The following CELA3B variants were observed in gnomAD, a reference collection of about 807,000 sequenced individuals.
The protein encoded by CELA3B is chymotrypsin-like elastase family member 3B.
Under a neutral mutation model 37.2 loss-of-function variants are expected in CELA3B, and 34 were observed. The observed-to-expected ratio is 0.91, with a 90% CI of 0.70 to 1.22. The LOEUF is 1.22. Ranked by LOEUF, CELA3B falls within the 50% of genes most tolerant of loss-of-function variation. The pLI, the probability that CELA3B is intolerant of heterozygous loss-of-function variation, is 0.00. For missense variants in CELA3B, 340 were observed against 363.1 expected (o/e 0.94, Z 0.52); for synonymous variants, 127 against 143.5 (o/e 0.89, Z 0.82).
chr1:21,986,100 G>A (rs113222018), intron 6 of CELA3B, among the ~76,000 whole-genome samples: 1,862 of 146,790 alleles, frequency 0.013, 50 homozygotes, highest in African/African-American at 0.044. Flanking sequence ...CTGGCTGGGC[G>A]TGGTGGCTCA....
At chr1:21,978,332 C>A (rs776381496) in intron 1 of CELA3B, 37 bp from the exon 2 acceptor site, 5 of 1,612,012 alleles carry the variant, frequency 3.1e-6, no homozygotes, top group Non-Finnish European at 4.2e-6. Flanking sequence ...CTTTTGGGGA[C>A]CCTCCCGCTG....
intron 7 of CELA3B, among the ~76,000 whole-genome samples, chr1:21,988,590 TAAA>T (rs57938649): frequency 1.1e-3 from 118 of 104,294 alleles, no homozygotes; most frequent in Middle Eastern, 8.2e-3. Flanking sequence ...GACTCCATCT[TAAA>T]AAAAAAAAAA....
In CELA3B at chr1:21,998,199, G is replaced by A. The variant is rs775820870; in HGVS notation, c.*10G>A. ...AGAGTCCCGGACTTAGGACCACTGT[G>A]TGTGATTCACCGTGAACACTGGCAT... On this transcript the variant is annotated 3_prime_UTR_variant, in exon 5 of 5. Transcript: ENST00000400277. The A allele has an allele frequency of 7.0e-5, 33 of 470,256 alleles. 1 individual carries two copies. The highest frequency in any genetic ancestry group is 5.1e-4 in the South Asian group (33 of 64,478). 29.1% of individuals were successfully genotyped at this position (470,256 alleles called of 1,614,324 possible).
chr1:21,982,915 G>A (rs1434655027), intron 4 of CELA3B, among the ~76,000 whole-genome samples: 4 of 152,116 alleles, frequency 2.6e-5, no homozygotes, highest in East Asian at 3.9e-4. Context: ...TCTTAACCTC[G>A]TGATCCGCAG....
At chr1:21,996,396 C>T (rs1436216085) in intron 4 of CELA3B, among the ~76,000 whole-genome samples, 1 of 151,016 alleles carries the variant, frequency 6.6e-6, no homozygotes, top group Non-Finnish European at 1.5e-5. Flanking sequence ...GACCTCGGGT[C>T]GTCCTGACTG....
At chr1:21,986,771 C>T in intron 7 of CELA3B, 88 bp downstream of exon 7, 7 of 1,440,026 alleles carry the variant, frequency 4.9e-6, no homozygotes, top group Non-Finnish European at 6.6e-6. Flanking sequence ...CTGGGGAGGG[C>T]CTGAAAGGAT....
chr1:21,982,596 C>A (rs369633291), intron 4 of CELA3B, among the ~76,000 whole-genome samples: 1 of 150,584 alleles, frequency 6.6e-6, no homozygotes. Context: ...TACCCTGTCT[C>A]AAAAAAAAAG....
chr1:21,989,966 C>T (rs1644863392), downstream of CELA3B, among the ~76,000 whole-genome samples: 2 of 150,728 alleles, frequency 1.3e-5, 1 homozygote, highest in African/African-American at 4.9e-5. Flanking sequence ...CACAGTTCAG[C>T]ATGGCTGGGG....
chr1:21,995,942 C>A (rs1644888286), intron 4 of CELA3B, among the ~76,000 whole-genome samples: 2 of 149,686 alleles, frequency 1.3e-5, no homozygotes, highest in Non-Finnish European at 3.0e-5. Flanking sequence ...AGGCTGGGCG[C>A]AGTGGCTCAG....
At chr1:21,998,024 A>G (rs986169675) in intron 4 of CELA3B, 6 of 406,462 alleles carry the variant, frequency 1.5e-5, no homozygotes, top group Non-Finnish European at 3.1e-5. Flanking sequence ...AGGAAAAGCT[A>G]ATCGATAACA....
chr1:21,988,745 C>G (rs139785469), intron 7 of CELA3B, among the ~76,000 whole-genome samples: 2,281 of 151,762 alleles, frequency 0.015, 28 homozygotes, highest in Non-Finnish European at 0.024. Context: ...CAAAAATTAG[C>G]CAGGCATGGT....
At chr1:21,991,586 T>C (rs1316724998), downstream of CELA3B, among the ~76,000 whole-genome samples, 1 of 150,946 alleles carries the variant, frequency 6.6e-6, no homozygotes, top group African/African-American at 2.5e-5. Flanking sequence ...TCCACCCGCC[T>C]TGGCCTCCCA....
In CELA3B at chr1:21,995,531, T is replaced by C. The variant is rs1388383653; in HGVS notation, c.505-2620T>C. On this transcript the variant is annotated intron_variant, in intron 4 of 4. Transcript: ENST00000400277. ...GAAGCCAGGTGAGGCTGTGTGCTGA[T>C]TTCTGGCTGTGGCAGAAGAGATGCC... Among the ~76,000 whole-genome samples, 7 of 151,320 alleles carry C rather than the reference T, an allele frequency of 4.6e-5. No homozygotes were observed. In the East Asian group the frequency reaches 9.7e-4, roughly 21 times the overall value.
downstream of CELA3B, among the ~76,000 whole-genome samples, chr1:21,992,747 A>G (rs1644874126): frequency 6.6e-6 from 1 of 151,122 alleles, no homozygotes; most frequent in Admixed American, 6.6e-5. Context: ...AGGTTAGGGT[A>G]GGAGGACTGG....
intron 1 of CELA3B, among the ~76,000 whole-genome samples, chr1:21,977,366 A>G (rs942279791): frequency 6.6e-6 from 1 of 151,832 alleles, no homozygotes; most frequent in African/African-American, 2.4e-5. Context: ...GTGTGGTTGG[A>G]CTTCTTGGGT....
intron 4 of CELA3B, among the ~76,000 whole-genome samples, chr1:21,983,131 G>C (rs1257516090): frequency 6.6e-6 from 1 of 152,064 alleles, no homozygotes; most frequent in East Asian, 1.9e-4. Flanking sequence ...GGGCATATCA[G>C]CTAAGGTCAG....
chr1:21,989,315 C>T lies in CELA3B; in HGVS notation c.*36C>T. On this transcript the variant is annotated 3_prime_UTR_variant, in exon 8 of 8. Coordinates refer to ENST00000337107, the MANE Select transcript of CELA3B (RefSeq NM_007352.4). ...CAGCTGGCAGTGCTGATCGATCCCA[C>T]ATCCTGAATAAAGAATAAAGATCTC... 7.0e-7 allele frequency: 1 copy of T among 1,437,088 alleles called. No homozygotes were observed. Among genetic ancestry groups the T allele is most frequent in the Non-Finnish European group, 9.7e-7 (1 of 1,030,430 alleles). 89.0% of individuals were successfully genotyped at this position (1,437,088 alleles called of 1,614,324 possible).
chr1:21,995,555 C>A (rs1644887241), intron 4 of CELA3B, among the ~76,000 whole-genome samples: 2 of 151,214 alleles, frequency 1.3e-5, no homozygotes, highest in Non-Finnish European at 1.5e-5. Context: ...AGAAGAGATG[C>A]CTACAAATTT....
At chr1:21,977,428 C>G (rs10493009) in intron 1 of CELA3B, among the ~76,000 whole-genome samples, 10,507 of 152,188 alleles carry the variant, frequency 0.069, 992 homozygotes, top group African/African-American at 0.21. Context: ...CACACTCCCC[C>G]TACCTGGCTC....
Sources: gnomAD v4.1 joint callset for allele counts (sites outside exome capture counted in the v4.1 genomes callset) on GRCh38, gnomAD v4.1.1 for gene constraint, MANE v1.5 for transcripts, NCBI Gene and HGNC (gene_info 2026-07-23, HGNC 2026-07-21) for gene names.